ERICH6B: variants seen among roughly 807,000 people sequenced by gnomAD.
The protein encoded by ERICH6B is glutamate rich 6B.
A neutral mutation model predicts 80.0 loss-of-function variants in ERICH6B; 69 were observed. That is an observed-to-expected ratio of 0.86 (90% CI 0.71 to 1.05). ERICH6B has a LOEUF of 1.05. Among genes scored for constraint, ERICH6B ranks in the 50% least tolerant of loss-of-function variants. The probability of loss-of-function intolerance (pLI) is 0.00; values close to 1 mark genes in which losing one functional copy is unlikely to be tolerated. For missense variants in ERICH6B, 754 were observed against 796.1 expected, an observed-to-expected ratio of 0.95 and a Z score of 0.64; for synonymous variants, 283 against 291.9, an observed-to-expected ratio of 0.97 and a Z score of 0.31.
chr13:45,577,041 C>T lies in ERICH6B; in HGVS notation c.962-2111G>A, dbSNP rs1465830294. ...TCACTCCATGAGAGGATGGGAAGGG[C>T]CTGGGGGGAGTATCAGGCCAAATTC... On this transcript the variant is annotated intron_variant, in intron 7 of 14. Coordinates refer to ENST00000298738, the MANE Select transcript of ERICH6B (RefSeq NM_182542.3). Among the ~76,000 whole-genome samples, 3 of 152,170 alleles carry T rather than the reference C, an allele frequency of 2.0e-5. No individual in the cohort carries two copies. In the East Asian group the frequency reaches 5.8e-4, roughly 29 times the overall value.
chr13:45,560,185 G>T (rs1874608238), intron 11 of ERICH6B, among the ~76,000 whole-genome samples: 1 of 152,152 alleles, frequency 6.6e-6, no homozygotes, highest in Non-Finnish European at 1.5e-5. Flanking sequence ...TCTGACATAA[G>T]AATAGCTACT....
At chr13:45,570,822 A>G (rs766041216) in intron 8 of ERICH6B, among the ~76,000 whole-genome samples, 6 of 147,690 alleles carry the variant, frequency 4.1e-5, no homozygotes, top group Admixed American at 1.3e-4. Flanking sequence ...TATGGCACTC[A>G]CTCCATTGCA....
rs574757474 is a variant in ERICH6B at position 45,613,372 on chromosome 13, T to C, written c.-111+2313A>G. Among the ~76,000 whole-genome samples, 3 of 152,074 alleles carry C rather than the reference T, an allele frequency of 2.0e-5. No homozygotes were observed. In the East Asian group the frequency reaches 5.8e-4, roughly 29 times the overall value. On this transcript the variant is annotated intron_variant, in intron 1 of 14. Coordinates refer to ENST00000298738, the MANE Select transcript of ERICH6B (RefSeq NM_182542.3). ...TGCAAGCTCCAGCTTTTGTCAGGGG[T>C]TCAGAAAATTAGGCCTGGGTGAGGA...
At chr13:45,606,313 T>C (rs935171634) in intron 2 of ERICH6B, among the ~76,000 whole-genome samples, 1 of 151,598 alleles carries the variant, frequency 6.6e-6, no homozygotes, top group Non-Finnish European at 1.5e-5. Flanking sequence ...ACAGATGTCA[T>C]ATTTAATTTC....
intron 5 of ERICH6B, among the ~76,000 whole-genome samples, chr13:45,586,116 C>T (rs935271508): frequency 6.6e-6 from 1 of 151,844 alleles, no homozygotes; most frequent in Non-Finnish European, 1.5e-5. Flanking sequence ...CTTGGGGCTC[C>T]GTGGGAGCAC....
chr13:45,571,074 A>G (rs969689612), intron 8 of ERICH6B, among the ~76,000 whole-genome samples: 2 of 152,176 alleles, frequency 1.3e-5, no homozygotes, highest in Non-Finnish European at 1.5e-5. Context: ...CTGCTTTGCC[A>G]AGCTGCATCA....
intron 8 of ERICH6B, among the ~76,000 whole-genome samples, chr13:45,569,036 T>C (rs1593785116): frequency 6.6e-6 from 1 of 152,252 alleles, no homozygotes; most frequent in Admixed American, 6.5e-5. Context: ...ATGTGAAGAA[T>C]GAGTCTTCAG....
At chr13:45,607,293 C>A (rs1283192681) in intron 2 of ERICH6B, among the ~76,000 whole-genome samples, 1 of 152,130 alleles carries the variant, frequency 6.6e-6, no homozygotes, top group Non-Finnish European at 1.5e-5. Flanking sequence ...GAGACTTTAA[C>A]CCTGCAAGAA....
chr13:45,577,542 A>G (rs1472010694), intron 7 of ERICH6B, among the ~76,000 whole-genome samples: 1 of 151,996 alleles, frequency 6.6e-6, no homozygotes, highest in Non-Finnish European at 1.5e-5. Flanking sequence ...TCAGCCTCCC[A>G]AAATGCTGGG....
chr13:45,601,213 A>G (rs139513264), intron 2 of ERICH6B, among the ~76,000 whole-genome samples: 30 of 152,200 alleles, frequency 2.0e-4, no homozygotes, highest in Non-Finnish European at 3.4e-4. Context: ...GTCCAGTTCT[A>G]TACTGGGATC....
chr13:45,575,498 T>G (rs912915451), intron 7 of ERICH6B, among the ~76,000 whole-genome samples: 3 of 152,132 alleles, frequency 2.0e-5, no homozygotes, highest in Non-Finnish European at 4.4e-5. Context: ...TCAAAGGACC[T>G]TGTAGGCTGT....
Position 45,596,613 on chromosome 13 carries a change from T to C in ERICH6B, c.393A>G (p.Glu131=). 2.6e-6 allele frequency: 4 copies of C among 1,546,298 alleles called. No homozygotes were observed. Among genetic ancestry groups the C allele is most frequent in the East Asian group, 2.5e-5 (1 of 40,148 alleles). The change falls in exon 3 of 15, where the codon GAA becomes GAG. Residue 131 remains glutamate (E), a synonymous_variant. Coordinates refer to ENST00000298738, the MANE Select transcript of ERICH6B (RefSeq NM_182542.3). ...YLEEEEYLGK[E]EHLEEEEYLG... is the part of the protein sequence containing the mutation. ...GATACTCTTCCTCCTCCAGATGCTCTTCCTTCCCCAGGTACTCTTCCTCCT... is the reference window on the plus strand; with the variant it reads ...GATACTCTTCCTCCTCCAGATGCTCCTCCTTCCCCAGGTACTCTTCCTCCT...
chr13:45,591,379 A>G (rs931287825), intron 3 of ERICH6B, among the ~76,000 whole-genome samples: 1 of 152,250 alleles, frequency 6.6e-6, no homozygotes, highest in African/African-American at 2.4e-5. Context: ...GGCGGATCAC[A>G]AGGTCAGGAG....
chr13:45,554,300 C>T lies in ERICH6B; in HGVS notation c.1408-3984G>A, dbSNP rs377642310. Among the ~76,000 whole-genome samples the T allele has an allele frequency of 2.6e-5, 4 of 152,198 alleles. No homozygotes were observed. In the South Asian group the frequency reaches 8.3e-4, roughly 31 times the overall value. On this transcript the variant is annotated intron_variant, in intron 11 of 14. Transcript: ENST00000298738. ...TGTTCTCACAAATGATAGGATTTCC[C>T]TCTTTTTTAAGGCTGAGTAGTATTC...
chr13:45,587,947 C>A (rs1374935239), intron 4 of ERICH6B, among the ~76,000 whole-genome samples: 1 of 152,168 alleles, frequency 6.6e-6, no homozygotes, highest in Admixed American at 6.5e-5. Flanking sequence ...AGATGCCTAA[C>A]ATATAAACAG....
intron 11 of ERICH6B, among the ~76,000 whole-genome samples, chr13:45,556,038 G>T (rs1349106163): frequency 1.3e-5 from 2 of 150,248 alleles, no homozygotes; most frequent in Admixed American, 1.3e-4. Flanking sequence ...AGGCTCAAAT[G>T]GTACTTGTCC....
At chr13:45,600,352 C>T (rs1346657436) in intron 2 of ERICH6B, among the ~76,000 whole-genome samples, 1 of 152,056 alleles carries the variant, frequency 6.6e-6, no homozygotes. Context: ...AATCCAGTTT[C>T]ATTTTATTTT....
chr13:45,575,006 A>T, intron 7 of ERICH6B, 76 bp from the exon 8 acceptor site: 1 of 933,694 alleles, frequency 1.1e-6, no homozygotes, highest in Non-Finnish European at 1.7e-6. Context: ...TTTAAAAAGA[A>T]TAGAAATAGA....
At position 45,596,528 on chromosome 13, in the gene ERICH6B, TC is replaced by T; in HGVS notation, c.477del (p.Lys160ArgfsTer17). ...TCCTCCTCCTCCAGATACGCTTTCT[TC>T]CCCAGATAATCTACCTCCTCAATAT... ...EDYIEEVDYL[G>X]KKAYLEEEEY... On this transcript the variant is annotated frameshift_variant, in exon 3 of 15. Coordinates refer to ENST00000298738, the MANE Select transcript of ERICH6B (RefSeq NM_182542.3). LOFTEE classifies it high-confidence loss of function. The T allele has an allele frequency of 6.4e-7, 1 of 1,551,744 alleles. No homozygotes were observed. The highest frequency in any genetic ancestry group is 8.7e-7 in the Non-Finnish European group (1 of 1,146,970).
Sources: allele counts gnomAD v4.1 joint callset (sites outside exome capture counted in the v4.1 genomes callset), GRCh38; gene constraint gnomAD v4.1.1; transcripts MANE v1.5; gene names NCBI Gene and HGNC (gene_info 2026-07-23, HGNC 2026-07-21).